RANBP2: variants seen among roughly 807,000 people sequenced by gnomAD.
RANBP2 encodes the protein RAN binding protein 2, also known as E3 SUMO-protein ligase RanBP2.
A neutral mutation model predicts 303.6 loss-of-function variants in RANBP2; 57 were observed. That is an observed-to-expected ratio of 0.19 (90% CI 0.15 to 0.23). The LOEUF (loss-of-function observed/expected upper bound fraction) is 0.23. RANBP2 is among the 10% of genes least tolerant of loss of function. The probability of loss-of-function intolerance (pLI) is 1.00; values close to 1 mark genes in which losing one functional copy is unlikely to be tolerated. For synonymous variants in RANBP2, 1,167 were observed against 1,301.5 expected (o/e 0.90, Z 2.23); for missense variants, 3,138 against 3,780.8 (o/e 0.83, Z 4.46).
At chr2:108,787,114 C>A (rs1437415311), downstream of RANBP2, among the ~76,000 whole-genome samples, 1 of 152,124 alleles carries the variant, frequency 6.6e-6, no homozygotes, top group African/African-American at 2.4e-5. Context: ...GGTGCCGCTT[C>A]ACCTATGCCT....
the RANBP2 span, among the ~76,000 whole-genome samples, chr2:108,843,240 C>G: frequency 6.6e-6 from 1 of 152,298 alleles, no homozygotes; most frequent in East Asian, 1.9e-4. Context: ...TCACTGCAAC[C>G]TCCGTCTGCT....
chr2:109,657,558 A>G, the RANBP2 span, among the ~76,000 whole-genome samples: 2 of 142,628 alleles, frequency 1.4e-5, no homozygotes, highest in Admixed American at 1.4e-4. Context: ...TAAAAGTGTA[A>G]TATTTATTTT....
the RANBP2 span, among the ~76,000 whole-genome samples, chr2:109,012,435 C>T: frequency 6.6e-6 from 1 of 152,160 alleles, no homozygotes; most frequent in Non-Finnish European, 1.5e-5. Context: ...CTTGAATCTC[C>T]TCCCACGCTC....
chr2:108,903,768 T>C, the RANBP2 span, among the ~76,000 whole-genome samples: 2 of 152,162 alleles, frequency 1.3e-5, no homozygotes, highest in Admixed American at 6.5e-5. Context: ...ATGCAAAATA[T>C]AAAACTATGT....
the RANBP2 span, among the ~76,000 whole-genome samples, chr2:109,442,945 C>T: frequency 4.6e-5 from 7 of 152,144 alleles, no homozygotes; most frequent in Non-Finnish European, 4.4e-5. Flanking sequence ...AAAAAACCAA[C>T]GATATGCTGT....
chr2:109,435,315 C>T, the RANBP2 span, among the ~76,000 whole-genome samples: 1 of 152,188 alleles, frequency 6.6e-6, no homozygotes, highest in Non-Finnish European at 1.5e-5. Flanking sequence ...CAAAGCTGTG[C>T]CCCCAGGACT....
chr2:109,548,742 C>T, the RANBP2 span, among the ~76,000 whole-genome samples: 1 of 137,370 alleles, frequency 7.3e-6, no homozygotes, highest in African/African-American at 2.8e-5. Flanking sequence ...CGCCATTGCA[C>T]TCCAGCTTGG....
At chr2:109,106,374 A>G in the RANBP2 span, among the ~76,000 whole-genome samples, 2 of 152,170 alleles carry the variant, frequency 1.3e-5, no homozygotes, top group Non-Finnish European at 2.9e-5. Context: ...GTGCCTTTGT[A>G]TGAGATCAGA....
At chr2:109,705,598 T>C in the RANBP2 span, among the ~76,000 whole-genome samples, 1 of 152,180 alleles carries the variant, frequency 6.6e-6, no homozygotes, top group Admixed American at 6.5e-5. Context: ...TTCCATGAGG[T>C]TCCATCCAGC....
chr2:109,479,902 C>G, the RANBP2 span, among the ~76,000 whole-genome samples: 18 of 152,148 alleles, frequency 1.2e-4, no homozygotes, highest in African/African-American at 4.3e-4. Flanking sequence ...GCACGAGGAT[C>G]TCCCTGGAGC....
At chr2:109,739,905 GTTT>G in the RANBP2 span, among the ~76,000 whole-genome samples, 58 of 130,898 alleles carry the variant, frequency 4.4e-4, no homozygotes, top group African/African-American at 1.6e-3. Context: ...TCTATACCCA[GTTT>G]TTTTTTTTTG....
the RANBP2 span, among the ~76,000 whole-genome samples, chr2:109,688,065 G>A: frequency 6.6e-6 from 1 of 152,122 alleles, no homozygotes; most frequent in African/African-American, 2.4e-5. Context: ...GAAGGAAAAT[G>A]ACACCCCAGG....
the RANBP2 span, chr2:109,545,373 T>A: frequency 6.6e-7 from 1 of 1,520,048 alleles, no homozygotes; most frequent in Non-Finnish European, 8.8e-7. Context: ...GGTAACTGAT[T>A]TTAACACATA....
chr2:109,388,205 T>C, the RANBP2 span, among the ~76,000 whole-genome samples: 4 of 152,374 alleles, frequency 2.6e-5, no homozygotes, highest in South Asian at 8.3e-4. Flanking sequence ...GGTTATGTCC[T>C]GTCTGTAACC....
At chr2:109,396,235 C>CT in the RANBP2 span, among the ~76,000 whole-genome samples, 1 of 152,154 alleles carries the variant, frequency 6.6e-6, no homozygotes, top group Non-Finnish European at 1.5e-5. Flanking sequence ...GGTTTGTTCT[C>CT]TGAGTAGCAC....
chr2:108,867,444 A>G, the RANBP2 span, among the ~76,000 whole-genome samples: 1 of 152,246 alleles, frequency 6.6e-6, no homozygotes, highest in Non-Finnish European at 1.5e-5. Context: ...GAAAAATGGC[A>G]GACTAGGAAG....
chr2:109,352,623 G>C, the RANBP2 span, among the ~76,000 whole-genome samples: 1 of 152,194 alleles, frequency 6.6e-6, no homozygotes, highest in Non-Finnish European at 1.5e-5. Flanking sequence ...CCCTTCCTGG[G>C]CACCCCGCTT....
At position 108,768,393 on chromosome 2, in the gene RANBP2, G is replaced by A. The variant is rs749323089; in HGVS notation, c.7849+5G>A. 6.2e-7 allele frequency: 1 copy of A among 1,610,844 alleles called. No homozygotes were observed. Among genetic ancestry groups the A allele is most frequent in the Non-Finnish European group, 8.5e-7 (1 of 1,179,820 alleles). On this transcript the variant is annotated splice_donor_5th_base_variant and intron_variant, in intron 20 of 28. Coordinates refer to ENST00000283195, the MANE Select transcript of RANBP2 (RefSeq NM_006267.5). Reference sequence around the variant, plus strand: ...CATTTAAAACACCAGAAAAGGGTAAGTACTTTGTTGTTAAAGTTAAGCACA... The same window carrying A: ...CATTTAAAACACCAGAAAAGGGTAAATACTTTGTTGTTAAAGTTAAGCACA...
At chr2:109,005,684 C>T in the RANBP2 span, among the ~76,000 whole-genome samples, 2 of 152,202 alleles carry the variant, frequency 1.3e-5, no homozygotes, top group Non-Finnish European at 2.9e-5. Flanking sequence ...CTCTTACAAC[C>T]AGCGTTTTGT....
Sources: allele counts gnomAD v4.1 joint callset (sites outside exome capture counted in the v4.1 genomes callset), GRCh38; gene constraint gnomAD v4.1.1; transcripts MANE v1.5; gene names NCBI Gene and HGNC (gene_info 2026-07-23, HGNC 2026-07-21).